Variants in RORB observed in about 807,000 individuals in gnomAD.
RORB encodes the protein nuclear receptor ROR-beta.
In RORB, 6 loss-of-function variants were observed where a neutral mutation model predicts 59.1. The ratio of observed to expected loss-of-function variants is 0.10; its 90% CI spans 0.06 to 0.20. The LOEUF (loss-of-function observed/expected upper bound fraction) is 0.20, where lower values mean the gene tolerates loss of function less well. Ranked by LOEUF, RORB falls within the 10% of genes least tolerant of loss-of-function variation. The pLI is 1.00. For synonymous variants in RORB, 215 were observed against 204.5 expected (o/e 1.05, Z -0.44); for missense variants, 320 against 560.5 (o/e 0.57, Z 4.33).
chr9:74,623,352 G>T (rs1823455400), intron 1 of RORB, among the ~76,000 whole-genome samples: 1 of 152,052 alleles, frequency 6.6e-6, no homozygotes, highest in South Asian at 2.1e-4. Flanking sequence ...GGTACACTGG[G>T]TGTTAATTAC....
intron 1 of RORB, among the ~76,000 whole-genome samples, chr9:74,552,957 TG>T (rs1050779220): frequency 6.6e-6 from 1 of 152,036 alleles, no homozygotes; most frequent in African/African-American, 2.4e-5. Context: ...GTGTTTTTGG[TG>T]GAAAGACCAT....
chr9:74,667,515 A>G lies in RORB; in HGVS notation c.1001-276A>G, dbSNP rs969763110. ...TTATAAGGATGTAATCATATTATGG[A>G]TTGCCAGACAGATGTGACACCACTC... is the stretch of plus-strand genomic sequence containing the variant. On this transcript the variant is annotated intron_variant, in intron 7 of 9. Transcript: ENST00000376896. 2.6e-5 allele frequency among the ~76,000 whole-genome samples: 4 copies of G among 152,204 alleles called. No homozygotes were observed. In the South Asian group the frequency reaches 8.3e-4, roughly 31 times the overall value.
At chr9:74,517,389 T>A (rs1014316146) in intron 1 of RORB, among the ~76,000 whole-genome samples, 1 of 151,996 alleles carries the variant, frequency 6.6e-6, no homozygotes, top group African/African-American at 2.4e-5. Context: ...CATCTTGTGG[T>A]CTAATTAAAT....
chr9:74,514,789 A>T (rs906511110), intron 1 of RORB, among the ~76,000 whole-genome samples: 1 of 151,300 alleles, frequency 6.6e-6, no homozygotes, highest in African/African-American at 2.4e-5. Context: ...AGTACTAGGC[A>T]GCTTGACCAC....
chr9:74,586,837 T>G (rs1822808292), intron 1 of RORB, among the ~76,000 whole-genome samples: 1 of 152,156 alleles, frequency 6.6e-6, no homozygotes, highest in African/African-American at 2.4e-5. Context: ...GAAGAAAGTT[T>G]TTAACTTTAG....
intron 4 of RORB, among the ~76,000 whole-genome samples, chr9:74,657,109 G>A (rs1449887310): frequency 1.3e-5 from 2 of 152,162 alleles, no homozygotes; most frequent in East Asian, 1.9e-4. Flanking sequence ...GCAGTGGCCC[G>A]ATCTCAGCTC....
intron 1 of RORB, among the ~76,000 whole-genome samples, chr9:74,582,446 T>A (rs1321741858): frequency 6.6e-6 from 1 of 152,210 alleles, no homozygotes; most frequent in South Asian, 2.1e-4. Flanking sequence ...AATGTGATTG[T>A]TACTCAAAAA....
chr9:74,667,057 C>T (rs1484523293), intron 7 of RORB, among the ~76,000 whole-genome samples: 2 of 152,180 alleles, frequency 1.3e-5, no homozygotes, highest in African/African-American at 2.4e-5. Flanking sequence ...CATGTCATCT[C>T]CAAGGCTAGA....
rs1275834013 is a variant in RORB at position 74,675,861 on chromosome 9, C to A, written c.1224+3960C>A. Among the ~76,000 whole-genome samples the A allele has an allele frequency of 3.3e-5, 5 of 152,278 alleles. No homozygotes were observed. The East Asian group carries it at 9.7e-4, about 29-fold the overall frequency. On this transcript the variant is annotated intron_variant, in intron 9 of 9. Coordinates refer to ENST00000376896, the MANE Select transcript of RORB (RefSeq NM_006914.4). ...GAACCTGTGATGCTCTTTCCCCACT[C>A]AGTTGAGAACAGCAGGACCACTGCC... is the stretch of plus-strand genomic sequence containing the variant.
At chr9:74,607,018 G>A (rs574597306) in intron 1 of RORB, among the ~76,000 whole-genome samples, 2 of 152,270 alleles carry the variant, frequency 1.3e-5, no homozygotes, top group East Asian at 1.9e-4. Flanking sequence ...TAGCATGGAT[G>A]AAACCCATGC....
At chr9:74,575,073 A>C (rs112301112) in intron 1 of RORB, among the ~76,000 whole-genome samples, 5 of 152,186 alleles carry the variant, frequency 3.3e-5, no homozygotes, top group African/African-American at 1.2e-4. Flanking sequence ...AGCCATGTTA[A>C]CAATGAGTAC....
At chr9:74,566,526 GTGGC>G (rs1356838694) in intron 1 of RORB, among the ~76,000 whole-genome samples, 2 of 152,158 alleles carry the variant, frequency 1.3e-5, no homozygotes, top group African/African-American at 2.4e-5. Flanking sequence ...GCCGGGCACA[GTGGC>G]TCACACCTGT....
chr9:74,557,455 C>T (rs2118181730), intron 1 of RORB, among the ~76,000 whole-genome samples: 1 of 152,190 alleles, frequency 6.6e-6, no homozygotes, highest in South Asian at 2.1e-4. Context: ...GGTATTGAAC[C>T]TTGAGCTTTT....
Position 74,685,522 on chromosome 9 carries a change from G to C in RORB, c.1284G>C (p.Gln428His), listed in dbSNP as rs201621306. Residue 428 changes from glutamine (Q) to histidine (H), a missense_variant, in exon 10 of 10, where the codon CAG becomes CAC. Physicochemically the swap from Gln to His is conservative, Grantham distance 24 (BLOSUM62 0). Coordinates refer to ENST00000376896, the MANE Select transcript of RORB (RefSeq NM_006914.4). Reference protein sequence around the residue: ...AVCNLHGEKLQVFKQSHPEIV... With the variant: ...AVCNLHGEKLHVFKQSHPEIV... ...GCAACTTGCACGGGGAGAAGCTGCA[G>C]GTATTTAAGCAATCTCATCCAGAGA... is the stretch of plus-strand genomic sequence containing the variant. The C allele has an allele frequency of 6.2e-7, 1 of 1,613,376 alleles. No individual in the cohort carries two copies.
chr9:74,673,605 G>T (rs1411035269), intron 9 of RORB, among the ~76,000 whole-genome samples: 37 of 152,124 alleles, frequency 2.4e-4, no homozygotes, highest in Non-Finnish European at 1.0e-4. Flanking sequence ...ATGATTTGAG[G>T]TATGTGAGGT....
intron 9 of RORB, among the ~76,000 whole-genome samples, chr9:74,674,289 A>G (rs1410045076): frequency 1.3e-5 from 2 of 152,202 alleles, no homozygotes; most frequent in Non-Finnish European, 2.9e-5. Context: ...AGTGAGGGCC[A>G]TTCTGAATAT....
chr9:74,587,245 T>A (rs935157300), intron 1 of RORB, among the ~76,000 whole-genome samples: 1 of 152,208 alleles, frequency 6.6e-6, no homozygotes, highest in Non-Finnish European at 1.5e-5. Context: ...ATTCATATTT[T>A]GTCTTTTCCT....
intron 9 of RORB, among the ~76,000 whole-genome samples, chr9:74,683,261 G>T (rs1026981009): frequency 6.6e-6 from 1 of 152,066 alleles, no homozygotes; most frequent in Non-Finnish European, 1.5e-5. Context: ...TGCAAGAACT[G>T]TTCCTAAATT....
At chr9:74,583,365 A>G (rs11144014) in intron 1 of RORB, among the ~76,000 whole-genome samples, 63,185 of 151,846 alleles carry the variant, frequency 0.42, 14,448 homozygotes, top group East Asian at 0.77. Flanking sequence ...CATTTTCTGT[A>G]GACAGTCATG....
Sources: gnomAD v4.1 joint callset for allele counts (sites outside exome capture counted in the v4.1 genomes callset) on GRCh38, gnomAD v4.1.1 for gene constraint, MANE v1.5 for transcripts, NCBI Gene and HGNC (gene_info 2026-07-23, HGNC 2026-07-21) for gene names.